Variants in TIAM2 observed in about 807,000 individuals in gnomAD.
TIAM2 encodes the protein TIAM Rac1 associated GEF 2.
In TIAM2, 80 loss-of-function variants were observed where a neutral mutation model predicts 152.9. That is an observed-to-expected ratio of 0.52 (90% CI 0.44 to 0.63). TIAM2 has a LOEUF of 0.63. Ranked by LOEUF, TIAM2 falls within the 30% of genes least tolerant of loss-of-function variation. TIAM2 has a pLI of 0.00. For synonymous variants in TIAM2, 804 were observed against 838.0 expected (o/e 0.96, Z 0.70); for missense variants, 1,965 against 2,120.1 (o/e 0.93, Z 1.44).
intron 1 of TIAM2, among the ~76,000 whole-genome samples, chr6:155,078,264 A>G (rs915038796): frequency 6.6e-6 from 1 of 152,042 alleles, no homozygotes; most frequent in African/African-American, 2.4e-5. Flanking sequence ...CAGGCTGGTC[A>G]TGAACTCCTG....
intron 1 of TIAM2, among the ~76,000 whole-genome samples, chr6:155,049,447 A>T (rs1230840380): frequency 6.6e-6 from 1 of 152,096 alleles, no homozygotes; most frequent in Non-Finnish European, 1.5e-5. Context: ...CTGTTTTCCT[A>T]ATTTTTGCCC....
At position 155,038,162 on chromosome 6, in the gene TIAM2, T is replaced by C. The variant is rs114445870; in HGVS notation, c.-209+42670T>C. On this transcript the variant is annotated intron_variant, in intron 1 of 26. Transcript: ENST00000682666. ...AAGTGAACACACCATGTAATGAGGA[T>C]GGTAATAAGTTTAAGAAAAGTCTCT... Among the ~76,000 whole-genome samples, 848 of 152,320 alleles carry C rather than the reference T, an allele frequency of 5.6e-3. 9 individuals are homozygous for C. Among genetic ancestry groups the C allele is most frequent in the African/African-American group, 0.019 (772 of 41,570 alleles).
intron 15 of TIAM2, among the ~76,000 whole-genome samples, chr6:155,222,617 CAAAAAAAAAAA>C (rs916300239): frequency 1.5e-5 from 1 of 67,638 alleles, no homozygotes; most frequent in African/African-American, 8.4e-5. Flanking sequence ...AAAAAACAAA[CAAAAAAAAAAA>C]ACACAAAAAA....
intron 15 of TIAM2, among the ~76,000 whole-genome samples, chr6:155,224,179 C>T (rs1242104458): frequency 6.6e-6 from 1 of 152,206 alleles, no homozygotes; most frequent in African/African-American, 2.4e-5. Flanking sequence ...GTTTGAGTTT[C>T]AAGGCATTTT....
At chr6:155,092,204 C>A (rs1778322472) in intron 2 of TIAM2, among the ~76,000 whole-genome samples, 1 of 146,368 alleles carries the variant, frequency 6.8e-6, no homozygotes. Flanking sequence ...ATCAAGCAGT[C>A]CTCCCACCTC....
chr6:155,131,312 A>G (rs940822269), intron 4 of TIAM2, among the ~76,000 whole-genome samples: 8 of 151,790 alleles, frequency 5.3e-5, no homozygotes, highest in Non-Finnish European at 8.8e-5. Context: ...GTGAGCTGAG[A>G]TCACACCTGG....
At chr6:155,142,643 T>C (rs1015957101) in intron 5 of TIAM2, among the ~76,000 whole-genome samples, 1 of 152,254 alleles carries the variant, frequency 6.6e-6, no homozygotes, top group African/African-American at 2.4e-5. Flanking sequence ...ATAGTTTAAC[T>C]GCTGCATCAG....
intron 16 of TIAM2, among the ~76,000 whole-genome samples, chr6:155,243,007 T>C (rs1036797353): frequency 2.6e-5 from 4 of 151,964 alleles, no homozygotes; most frequent in Admixed American, 2.6e-4. Flanking sequence ...CCTCCCAAAG[T>C]GCTGGGATTA....
chr6:155,225,033 G>A (rs1782194236), intron 15 of TIAM2, among the ~76,000 whole-genome samples: 2 of 152,204 alleles, frequency 1.3e-5, no homozygotes, highest in South Asian at 2.1e-4. Context: ...TTGGCTGACT[G>A]CAACCTTTGC....
intron 24 of TIAM2, chr6:155,253,330 AAAATG>A (rs1783787791): frequency 2.4e-6 from 1 of 410,000 alleles, no homozygotes; most frequent in Non-Finnish European, 4.4e-6. Flanking sequence ...TTGATACCCT[AAAATG>A]TGTTAGAAGA....
At chr6:155,068,894 CT>C (rs1777770505) in intron 1 of TIAM2, among the ~76,000 whole-genome samples, 1 of 151,968 alleles carries the variant, frequency 6.6e-6, no homozygotes. Context: ...TCTTATAACC[CT>C]TTATAGCCCC....
chr6:155,219,763 A>G (rs1781978474), intron 15 of TIAM2, among the ~76,000 whole-genome samples: 1 of 152,148 alleles, frequency 6.6e-6, no homozygotes, highest in East Asian at 1.9e-4. Flanking sequence ...GCTATAGAAG[A>G]CATTACTGTG....
At chr6:155,039,431 T>G (rs1476973888) in intron 1 of TIAM2, among the ~76,000 whole-genome samples, 2 of 152,046 alleles carry the variant, frequency 1.3e-5, no homozygotes, top group Non-Finnish European at 2.9e-5. Flanking sequence ...ATGGGTCTTG[T>G]CTGGAAGACA....
chr6:155,224,808 G>A (rs1036240768), intron 15 of TIAM2, among the ~76,000 whole-genome samples: 3 of 152,222 alleles, frequency 2.0e-5, no homozygotes, highest in South Asian at 2.1e-4. Flanking sequence ...GAGATGTGCA[G>A]TTGCTTAGAA....
At chr6:155,251,219 C>G (rs1360072714) in intron 22 of TIAM2, among the ~76,000 whole-genome samples, 198 bp downstream of exon 22, 1 of 152,238 alleles carries the variant, frequency 6.6e-6, no homozygotes, top group Admixed American at 6.5e-5. Flanking sequence ...GTTCTCCCTT[C>G]TGCTGCTTGG....
chr6:155,111,310 C>T (rs923398407), intron 2 of TIAM2, among the ~76,000 whole-genome samples: 1 of 69,360 alleles, frequency 1.4e-5, no homozygotes, highest in Non-Finnish European at 2.6e-5. Context: ...CACACACACA[C>T]ACACACACAC....
At chr6:155,179,912 A>C (rs531804726) in intron 12 of TIAM2, among the ~76,000 whole-genome samples, 125 of 152,250 alleles carry the variant, frequency 8.2e-4, no homozygotes, top group African/African-American at 2.8e-3. Context: ...TTCAAGAACT[A>C]ACTCAAGGTC....
intron 9 of TIAM2, among the ~76,000 whole-genome samples, chr6:155,172,647 T>C: frequency 1.3e-4 from 2 of 15,574 alleles, no homozygotes; most frequent in Non-Finnish European, 2.3e-4. Flanking sequence ...TGGAAATATA[T>C]ATATATATAT....
chr6:155,253,925 C>A, intron 24 of TIAM2, 48 bp from the exon 25 acceptor site: 1 of 1,476,684 alleles, frequency 6.8e-7, no homozygotes, highest in Non-Finnish European at 9.4e-7. Flanking sequence ...TTAACCACAG[C>A]ATTTTGGGCA....
Sources: gnomAD v4.1 joint callset for allele counts (sites outside exome capture counted in the v4.1 genomes callset) on GRCh38, gnomAD v4.1.1 for gene constraint, MANE v1.5 for transcripts, NCBI Gene and HGNC (gene_info 2026-07-23, HGNC 2026-07-21) for gene names.